UGT2B10: variants seen among roughly 807,000 people sequenced by gnomAD.
The protein encoded by UGT2B10 is UDP-glucuronosyltransferase 2B10.
Under a neutral mutation model 43.7 loss-of-function variants are expected in UGT2B10, and 51 were observed. The ratio of observed to expected loss-of-function variants is 1.17; its 90% CI spans 0.93 to 1.47. The LOEUF is 1.47. Among genes scored for constraint, UGT2B10 ranks in the 40% most tolerant of loss-of-function variants. UGT2B10 has a pLI of 0.00. For synonymous variants in UGT2B10, 225 were observed against 209.0 expected, an observed-to-expected ratio of 1.08 and a Z score of -0.66; for missense variants, 696 against 617.7, an observed-to-expected ratio of 1.13 and a Z score of -1.34.
intron 5 of UGT2B10, among the ~76,000 whole-genome samples, chr4:68,828,922 AT>A: frequency 6.6e-6 from 1 of 152,178 alleles, no homozygotes; most frequent in African/African-American, 2.4e-5. Flanking sequence ...ATATCTTTAA[AT>A]TTTGGAAATT....
rs1738068485 is a variant in UGT2B10, at chr4:68,830,936, C to G, written c.*57C>G. 1 of 1,544,984 alleles carries G rather than the reference C, an allele frequency of 6.5e-7. No individual in the cohort carries two copies. The highest frequency in any genetic ancestry group is 1.2e-5 in the South Asian group (1 of 80,212). On this transcript the variant is annotated 3_prime_UTR_variant, in exon 6 of 6. Coordinates refer to ENST00000265403, the MANE Select transcript of UGT2B10 (RefSeq NM_001075.6). ...ATAGATAGGAATACTTCAGTTGATTCCAGCAATAAATATTGTGATGCAAGA... is the reference window on the plus strand; with the variant it reads ...ATAGATAGGAATACTTCAGTTGATTGCAGCAATAAATATTGTGATGCAAGA...
intron 3 of UGT2B10, among the ~76,000 whole-genome samples, chr4:68,824,115 C>G (rs976223694): frequency 1.3e-5 from 2 of 152,210 alleles, no homozygotes; most frequent in African/African-American, 2.4e-5. Flanking sequence ...GCCATATTAT[C>G]CAGCCTCAGA....
In UGT2B10 at chr4:68,816,226, C is replaced by G. The variant is rs1170664498; in HGVS notation, c.207C>G (p.Ser69=). The G allele has an allele frequency of 1.2e-6, 2 of 1,613,232 alleles. No homozygotes were observed. The highest frequency in any genetic ancestry group is 1.7e-5 in the Admixed American group (1 of 59,912). ...ASILFDPNDS[S]TLKLEVYPTS... Reference sequence around the variant, plus strand: ...TTCTTTTTGATCCCAACGACTCATCCACTCTTAAACTTGAAGTTTATCCTA... The same window carrying G: ...TTCTTTTTGATCCCAACGACTCATCGACTCTTAAACTTGAAGTTTATCCTA... The change falls in exon 1 of 6, where the codon TCC becomes TCG. Residue 69 remains serine (S), a synonymous_variant. Transcript: ENST00000265403.
intron 2 of UGT2B10, among the ~76,000 whole-genome samples, chr4:68,820,999 G>A (rs1254515171): frequency 6.6e-6 from 1 of 152,146 alleles, no homozygotes; most frequent in Admixed American, 6.6e-5. Context: ...CACTGAACAC[G>A]AGTTACATTA....
intron 3 of UGT2B10, among the ~76,000 whole-genome samples, chr4:68,824,106 C>T (rs1458256391): frequency 1.3e-5 from 2 of 152,200 alleles, no homozygotes; most frequent in East Asian, 1.9e-4. Context: ...TTTAGGTTTG[C>T]CATATTATCC....
At chr4:68,829,373 C>T (rs1194723555) in intron 5 of UGT2B10, among the ~76,000 whole-genome samples, 1 of 151,982 alleles carries the variant, frequency 6.6e-6, no homozygotes, top group Non-Finnish European at 1.5e-5. Context: ...GTTGTGATAT[C>T]CTGTACCATG....
chr4:68,825,295 T>C (rs187919392), intron 3 of UGT2B10, among the ~76,000 whole-genome samples: 2 of 141,420 alleles, frequency 1.4e-5, no homozygotes, highest in Admixed American at 1.4e-4. Flanking sequence ...TTTTTTATAC[T>C]TTTTTTATAA....
At chr4:68,829,789 T>C (rs780060465) in intron 5 of UGT2B10, among the ~76,000 whole-genome samples, 8 of 152,052 alleles carry the variant, frequency 5.3e-5, no homozygotes, top group Non-Finnish European at 8.8e-5. Flanking sequence ...TAGAAGACAG[T>C]GTGCAGGTAA....
intron 4 of UGT2B10, among the ~76,000 whole-genome samples, chr4:68,827,121 T>C (rs748361903): frequency 3.3e-5 from 5 of 151,946 alleles, no homozygotes; most frequent in Non-Finnish European, 4.4e-5. Flanking sequence ...GGAAATCTTG[T>C]ATTAAGTTTT....
Position 68,830,956 on chromosome 4 carries a change from G to C in UGT2B10, c.*77G>C, listed in dbSNP as rs752631764. 2.0e-6 allele frequency: 3 copies of C among 1,502,126 alleles called. No homozygotes were observed. Among genetic ancestry groups the C allele is most frequent in the Non-Finnish European group, 2.7e-6 (3 of 1,119,968 alleles). 93.0% of individuals were successfully genotyped at this position (1,502,126 alleles called of 1,614,324 possible). On this transcript the variant is annotated 3_prime_UTR_variant, in exon 6 of 6. Transcript: ENST00000265403. ...TGATTCCAGCAATAAATATTGTGAT[G>C]CAAGATTTCTTTCTTCCTGTGACAA...
chr4:68,818,520 A>T (rs1737335545), intron 2 of UGT2B10, among the ~76,000 whole-genome samples: 1 of 151,890 alleles, frequency 6.6e-6, no homozygotes, highest in African/African-American at 2.4e-5. Context: ...TTTCAGAGAA[A>T]AAAAATAGAC....
chr4:68,824,419 T>C lies in UGT2B10; in HGVS notation c.1000-1991T>C, dbSNP rs539309911. ...TTACCAGATTAACAACCCCTCCCAA[T>C]GGACGCAGCAGAAGGAAATATAGGA... is the stretch of plus-strand genomic sequence containing the variant. On this transcript the variant is annotated intron_variant, in intron 3 of 5. Transcript: ENST00000265403. 5.3e-5 allele frequency among the ~76,000 whole-genome samples: 8 copies of C among 152,084 alleles called. No homozygotes were observed. In the South Asian group the frequency reaches 1.7e-3, roughly 32 times the overall value.
intron 4 of UGT2B10, 121 bp downstream of exon 4, chr4:68,826,618 A>C: frequency 1.6e-6 from 2 of 1,242,688 alleles, no homozygotes. Flanking sequence ...ACTTCTTTAT[A>C]TTTATTTTCC....
rs770409927 is a variant in UGT2B10 at position 68,818,171 on chromosome 4, A to T, written c.861A>T (p.Leu287=). The change falls in exon 2 of 6, where the codon CTA becomes CTT. Residue 287 remains leucine, a synonymous_variant. Coordinates refer to ENST00000265403, the MANE Select transcript of UGT2B10 (RefSeq NM_001075.6). ...TCCACTGCAAACCTGCCAAACCCCT[A>T]CCTAAGGTAAACATACTTTCGTTGG... is the stretch of plus-strand genomic sequence containing the variant. The part of the protein sequence containing the change: ...GGLHCKPAKP[L]PKEMEEFVQS... 6.2e-7 allele frequency: 1 copy of T among 1,608,920 alleles called. No homozygotes were observed. Among genetic ancestry groups the T allele is most frequent in the South Asian group, 1.1e-5 (1 of 90,244 alleles).
In UGT2B10 at chr4:68,816,474, A is replaced by T. The variant is rs540288781; in HGVS notation, c.455A>T (p.Tyr152Phe). Residue 152 changes from tyrosine (Y) to phenylalanine (F), a missense_variant, in exon 1 of 6, where the codon TAT becomes TTT. Physicochemically the swap from Tyr to Phe is conservative, Grantham distance 22. Coordinates refer to ENST00000265403, the MANE Select transcript of UGT2B10 (RefSeq NM_001075.6). ...SRFDIVFADA[Y>F]LPCGELLAEL... is the part of the protein sequence containing the mutation. The stretch of plus-strand genomic sequence containing the variant: ...TTTGACATCGTTTTTGCAGATGCTT[A>T]TTTACCCTGTGGTGAGCTGCTGGCT... 1 of 1,612,720 alleles carries T rather than the reference A, an allele frequency of 6.2e-7. No individual in the cohort carries two copies. The highest frequency in any genetic ancestry group is 1.1e-5 in the South Asian group (1 of 91,068).
rs1402536380 is a variant in UGT2B10 at position 68,831,984 on chromosome 4, A to G, written c.*1105A>G. ...ACTTAGGATTCTGGATCTCTTATGA[A>G]TAACAAATTTATCCTTAATAAAGTC... On this transcript the variant is annotated 3_prime_UTR_variant, in exon 6 of 6. Transcript: ENST00000265403. 6.6e-6 allele frequency among the ~76,000 whole-genome samples: 1 copy of G among 152,058 alleles called. No homozygotes were observed. Among genetic ancestry groups the G allele is most frequent in the South Asian group, 2.1e-4 (1 of 4,822 alleles).
At chr4:68,825,403 A>C (rs78603217) in intron 3 of UGT2B10, among the ~76,000 whole-genome samples, 2 of 151,940 alleles carry the variant, frequency 1.3e-5, no homozygotes, top group Non-Finnish European at 2.9e-5. Flanking sequence ...AACTTGTGTC[A>C]TGGGGGTTTG....
chr4:68,818,196 G>A lies in UGT2B10; in HGVS notation c.867+19G>A, dbSNP rs541305879. 2 of 1,604,650 alleles carry A rather than the reference G, an allele frequency of 1.2e-6. No homozygotes were observed. Among genetic ancestry groups the A allele is most frequent in the South Asian group, 2.2e-5 (2 of 89,098 alleles). Reference sequence around the variant, plus strand: ...ACCTAAGGTAAACATACTTTCGTTGGTTTTATTTTGTTGGCTTCAAATTTC... The same window carrying A: ...ACCTAAGGTAAACATACTTTCGTTGATTTTATTTTGTTGGCTTCAAATTTC... On this transcript the variant is annotated intron_variant, in intron 2 of 5. Coordinates refer to ENST00000265403, the MANE Select transcript of UGT2B10 (RefSeq NM_001075.6).
chr4:68,825,074 T>A (rs147768369), intron 3 of UGT2B10, among the ~76,000 whole-genome samples: 1,585 of 152,168 alleles, frequency 0.01, 35 homozygotes, highest in South Asian at 0.059. Context: ...AGACTTGCTA[T>A]TTTGTCAATC....
Sources: allele counts gnomAD v4.1 joint callset (sites outside exome capture counted in the v4.1 genomes callset), GRCh38; gene constraint gnomAD v4.1.1; transcripts MANE v1.5; gene names NCBI Gene and HGNC (gene_info 2026-07-23, HGNC 2026-07-21).